RBFOX1: variants seen among roughly 807,000 people sequenced by gnomAD.
The protein encoded by RBFOX1 is RNA binding fox-1 homolog 1.
In RBFOX1, 8 loss-of-function variants were observed where a neutral mutation model predicts 57.7. The ratio of observed to expected loss-of-function variants is 0.14; its 90% CI spans 0.08 to 0.25. The LOEUF (loss-of-function observed/expected upper bound fraction) is 0.25. Among genes scored for constraint, RBFOX1 ranks in the 10% least tolerant of loss-of-function variants. The pLI is 1.00. For missense variants in RBFOX1, 611 were observed against 548.5 expected, an observed-to-expected ratio of 1.11 and a Z score of -1.14; for synonymous variants, 326 against 222.4, an observed-to-expected ratio of 1.47 and a Z score of -4.15.
intron 4 of RBFOX1, among the ~76,000 whole-genome samples, chr16:7,514,788 A>G (rs1257386676): frequency 1.3e-5 from 2 of 152,220 alleles, no homozygotes; most frequent in African/African-American, 4.8e-5. Flanking sequence ...CAATACAGAG[A>G]TAGCTCGAAG....
At chr16:7,317,838 G>A (rs1399619261) in intron 4 of RBFOX1, among the ~76,000 whole-genome samples, 1 of 152,206 alleles carries the variant, frequency 6.6e-6, no homozygotes, top group African/African-American at 2.4e-5. Flanking sequence ...AGAGGTAACA[G>A]CAAGACCACA....
chr16:6,020,030 T>G, intron 1 of RBFOX1, 38 bp downstream of exon 1: 1 of 1,452,432 alleles, frequency 6.9e-7, no homozygotes, highest in Non-Finnish European at 9.1e-7. Context: ...GCACCCACCC[T>G]GACCTGGTGG....
At chr16:6,661,562 G>T (rs867756910) in intron 3 of RBFOX1, among the ~76,000 whole-genome samples, 1 of 152,180 alleles carries the variant, frequency 6.6e-6, no homozygotes, top group Non-Finnish European at 1.5e-5. Flanking sequence ...CACCAAGAAG[G>T]TACTTAAACT....
chr16:7,293,321 G>C (rs2095830543), intron 4 of RBFOX1, among the ~76,000 whole-genome samples: 1 of 152,134 alleles, frequency 6.6e-6, no homozygotes, highest in Admixed American at 6.5e-5. Flanking sequence ...ATATGTGTAG[G>C]TTATAAGCAA....
chr16:6,335,052 A>G (rs897470005), intron 2 of RBFOX1, among the ~76,000 whole-genome samples: 4 of 152,250 alleles, frequency 2.6e-5, no homozygotes, highest in Non-Finnish European at 4.4e-5. Context: ...TTCTAACTAA[A>G]TCCCCTTTCG....
intron 3 of RBFOX1, among the ~76,000 whole-genome samples, chr16:6,721,509 T>G (rs1371265167): frequency 2.6e-5 from 4 of 152,172 alleles, no homozygotes; most frequent in Non-Finnish European, 5.9e-5. Flanking sequence ...TTAAATGCAT[T>G]CATATTTTTG....
chr16:7,148,906 T>G (rs570483561), intron 4 of RBFOX1, among the ~76,000 whole-genome samples: 2 of 152,314 alleles, frequency 1.3e-5, no homozygotes, highest in South Asian at 4.1e-4. Flanking sequence ...TCATCTGACT[T>G]TGCATGTGCC....
chr16:6,507,013 G>A (rs1446922754), intron 2 of RBFOX1, among the ~76,000 whole-genome samples: 1 of 152,012 alleles, frequency 6.6e-6, no homozygotes, highest in East Asian at 1.9e-4. Flanking sequence ...TGTGGTAGAG[G>A]GCTCATGACT....
chr16:6,483,880 A>C (rs1311217342), intron 2 of RBFOX1: 1 of 1,173,002 alleles, frequency 8.5e-7, no homozygotes. Flanking sequence ...AGATGGAAGG[A>C]TGAGGCTGCG....
At chr16:6,146,401 C>T (rs1476769636) in intron 1 of RBFOX1, among the ~76,000 whole-genome samples, 1 of 152,176 alleles carries the variant, frequency 6.6e-6, no homozygotes, top group Non-Finnish European at 1.5e-5. Context: ...AACCTCAACA[C>T]TATTGACATT....
intron 3 of RBFOX1, among the ~76,000 whole-genome samples, chr16:6,824,909 C>T (rs1038738766): frequency 2.0e-5 from 3 of 150,460 alleles, no homozygotes; most frequent in Non-Finnish European, 4.4e-5. Context: ...CTGCCATCTT[C>T]CCTAGAGGCA....
chr16:6,370,389 A>G (rs946538094), intron 2 of RBFOX1, among the ~76,000 whole-genome samples: 24 of 138,472 alleles, frequency 1.7e-4, no homozygotes, highest in African/African-American at 5.4e-4. Context: ...AAAAAAAAAA[A>G]AAGAACACAC....
chr16:6,561,180 T>C (rs1364790100), intron 2 of RBFOX1, among the ~76,000 whole-genome samples: 1 of 152,160 alleles, frequency 6.6e-6, no homozygotes, highest in African/African-American at 2.4e-5. Context: ...AAAATGAATA[T>C]GCTTCACGCC....
rs78374813 is a variant in RBFOX1 at position 6,060,668 on chromosome 16, C to G, written c.-127+40676C>G. On this transcript the variant is annotated intron_variant, in intron 1 of 15. Coordinates refer to ENST00000550418, the MANE Select transcript of RBFOX1 (RefSeq NM_018723.4). ...CCTTTGGCTGCAAGTAACTTCAAACCACTCGTACTACCTTAAGACAACAAA... is the reference window on the plus strand; with the variant it reads ...CCTTTGGCTGCAAGTAACTTCAAACGACTCGTACTACCTTAAGACAACAAA... Among the ~76,000 whole-genome samples, 736 of 152,276 alleles carry G rather than the reference C, an allele frequency of 4.8e-3. 4 individuals are homozygous for G. The highest frequency in any genetic ancestry group is 0.016 in the African/African-American group (674 of 41,560).
Position 5,673,280 on chromosome 16 carries a change from G to C in RBFOX1, c.318+74319G>C, listed in dbSNP as rs2050069811. On this transcript the variant is annotated intron_variant, in intron 3 of 19. Coordinates refer to the RBFOX1 transcript ENST00000641259. The stretch of plus-strand genomic sequence containing the variant: ...AGAAGCAACCCACATTACAGGGTCA[G>C]AAGGAAGCCTGTGCCTGGCACCCAG... 4.6e-5 allele frequency among the ~76,000 whole-genome samples: 7 copies of C among 152,124 alleles called. No individual in the cohort carries two copies. In the South Asian group the frequency reaches 1.5e-3, roughly 32 times the overall value.
rs145267512 is a variant in RBFOX1 at position 6,995,450 on chromosome 16, C to G, written c.-15-56607C>G. ...GTTTTAAAATTCCCAAGCAAATAAT[C>G]TTGCTGGTGGTGACAGAAGAGGAAG... On this transcript the variant is annotated intron_variant, in intron 3 of 15. Coordinates refer to ENST00000550418, the MANE Select transcript of RBFOX1 (RefSeq NM_018723.4). Among the ~76,000 whole-genome samples the G allele has an allele frequency of 3.9e-5, 6 of 152,098 alleles. No individual in the cohort carries two copies. In the East Asian group the frequency reaches 7.8e-4, roughly 20 times the overall value.
rs144522156 is a variant in RBFOX1, at chr16:5,271,375, A to G, written c.219+31270A>G. 3.5e-3 allele frequency among the ~76,000 whole-genome samples: 530 copies of G among 152,262 alleles called. 5 individuals carry two copies. Among genetic ancestry groups the G allele is most frequent in the South Asian group, 0.015 (71 of 4,820 alleles). Reference sequence around the variant, plus strand: ...CTGTCTCTTATGCATACATACATACACATACACATACATACATACCCAGGC... The same window carrying G: ...CTGTCTCTTATGCATACATACATACGCATACACATACATACATACCCAGGC... On this transcript the variant is annotated intron_variant, in intron 1 of 2. Transcript: ENST00000585867.
At chr16:7,584,193 TC>T (rs1452182388) in intron 6 of RBFOX1, among the ~76,000 whole-genome samples, 27 of 152,232 alleles carry the variant, frequency 1.8e-4, no homozygotes, top group Admixed American at 1.8e-3. Flanking sequence ...CCATTGAACA[TC>T]CCTCACAGTT....
rs182067227 is a variant in RBFOX1, at chr16:7,195,093, C to G, written c.27+142995C>G. Reference sequence around the variant, plus strand: ...ATACTCTCTGAATTTTAATAAAGAGCTCTTCAGTCTATCAACACCCTTAAG... The same window carrying G: ...ATACTCTCTGAATTTTAATAAAGAGGTCTTCAGTCTATCAACACCCTTAAG... On this transcript the variant is annotated intron_variant, in intron 4 of 15. Coordinates refer to ENST00000550418, the MANE Select transcript of RBFOX1 (RefSeq NM_018723.4). Among the ~76,000 whole-genome samples, 12 of 152,244 alleles carry G rather than the reference C, an allele frequency of 7.9e-5. 2 individuals are homozygous for G. The highest frequency in any genetic ancestry group is 2.9e-4 in the African/African-American group (12 of 41,536).
Sources: gnomAD v4.1 joint callset for allele counts (sites outside exome capture counted in the v4.1 genomes callset) on GRCh38, gnomAD v4.1.1 for gene constraint, MANE v1.5 for transcripts, NCBI Gene and HGNC (gene_info 2026-07-23, HGNC 2026-07-21) for gene names.